Variants in MRPS9 observed in about 807,000 individuals in gnomAD.
MRPS9 encodes small ribosomal subunit protein uS9m.
In MRPS9, 45 loss-of-function variants were observed where a neutral mutation model predicts 59.9. The observed-to-expected ratio is 0.75, with a 90% CI of 0.59 to 0.96. MRPS9 has a LOEUF of 0.96. Among genes scored for constraint, MRPS9 ranks in the 40% least tolerant of loss-of-function variants. MRPS9 has a pLI of 0.00. For synonymous variants in MRPS9, 171 were observed against 166.8 expected, an observed-to-expected ratio of 1.03 and a Z score of -0.19; for missense variants, 473 against 481.1, an observed-to-expected ratio of 0.98 and a Z score of 0.16.
intron 1 of MRPS9, among the ~76,000 whole-genome samples, chr2:105,043,099 A>C (rs1679529140): frequency 1.3e-5 from 2 of 152,222 alleles, no homozygotes; most frequent in Admixed American, 1.3e-4. Flanking sequence ...CAGAATGAAC[A>C]GTAATTTCTT....
intron 5 of MRPS9, among the ~76,000 whole-genome samples, chr2:105,083,379 C>T (rs1400402099): frequency 2.0e-5 from 3 of 152,152 alleles, no homozygotes; most frequent in Non-Finnish European, 4.4e-5. Context: ...TTTCCTGCAG[C>T]AGCTTGGGCC....
intron 1 of MRPS9, 188 bp downstream of exon 1, chr2:105,038,415 T>A (rs1443003225): frequency 1.4e-5 from 10 of 705,642 alleles, no homozygotes; most frequent in Non-Finnish European, 2.1e-5. Flanking sequence ...CTAGAGGTTG[T>A]TACTTGTTTT....
intron 5 of MRPS9, among the ~76,000 whole-genome samples, chr2:105,081,229 C>T (rs1680334116): frequency 1.3e-5 from 2 of 152,174 alleles, no homozygotes; most frequent in African/African-American, 4.8e-5. Flanking sequence ...GGTGCAGACG[C>T]AAATTTTCTC....
At chr2:105,050,199 G>T (rs984788671) in intron 2 of MRPS9, among the ~76,000 whole-genome samples, 3 of 151,978 alleles carry the variant, frequency 2.0e-5, no homozygotes, top group African/African-American at 4.8e-5. Context: ...GAGTGCAGTG[G>T]CACGATCTTG....
At chr2:105,046,485 C>A (rs1467784792) in intron 1 of MRPS9, among the ~76,000 whole-genome samples, 1 of 151,936 alleles carries the variant, frequency 6.6e-6, no homozygotes, top group Non-Finnish European at 1.5e-5. Context: ...AGACCTGTAT[C>A]TGAAGCTCAG....
chr2:105,048,850 C>G (rs1463010266), intron 1 of MRPS9, among the ~76,000 whole-genome samples: 1 of 151,822 alleles, frequency 6.6e-6, no homozygotes, highest in African/African-American at 2.4e-5. Context: ...AATATCAAAA[C>G]TCACTGACAT....
At chr2:105,044,603 A>G (rs149874769) in intron 1 of MRPS9, among the ~76,000 whole-genome samples, 8 of 152,334 alleles carry the variant, frequency 5.3e-5, no homozygotes, top group African/African-American at 1.2e-4. Flanking sequence ...ATGGACAACA[A>G]TGAAAATGTT....
Position 105,093,518 on chromosome 2 carries a change from A to T in MRPS9, c.821-12A>T. ...CAAGATATTTACTAATAGGAATTTT[A>T]TATTTTTGAAGGTAAAAGAAAGACT... On this transcript the variant is annotated splice_polypyrimidine_tract_variant and intron_variant, in intron 8 of 10. Coordinates refer to ENST00000258455, the MANE Select transcript of MRPS9 (RefSeq NM_182640.3). 1 of 1,496,482 alleles carries T rather than the reference A, an allele frequency of 6.7e-7. No homozygotes were observed. Among genetic ancestry groups the T allele is most frequent in the Non-Finnish European group, 9.2e-7 (1 of 1,090,688 alleles). The allele number at this position is 1,496,482 out of a possible 1,614,324, so 92.7% of individuals were successfully genotyped here.
chr2:105,040,275 A>G (rs200939129), intron 1 of MRPS9, among the ~76,000 whole-genome samples: 8 of 152,174 alleles, frequency 5.3e-5, no homozygotes, highest in Admixed American at 1.3e-4. Context: ...TTATAAAATA[A>G]TAAAAATTTT....
At chr2:105,066,262 G>A (rs964602367) in intron 2 of MRPS9, among the ~76,000 whole-genome samples, 1 of 151,954 alleles carries the variant, frequency 6.6e-6, no homozygotes, top group Non-Finnish European at 1.5e-5. Flanking sequence ...ACAGTATTTG[G>A]TACAATACTT....
At chr2:105,046,959 A>G (rs1438049402) in intron 1 of MRPS9, among the ~76,000 whole-genome samples, 2 of 151,980 alleles carry the variant, frequency 1.3e-5, no homozygotes, top group African/African-American at 2.4e-5. Flanking sequence ...AACATTCTCC[A>G]TTGCCCAAAG....
At chr2:105,067,429 T>C (rs1393670899) in intron 2 of MRPS9, among the ~76,000 whole-genome samples, 1 of 152,158 alleles carries the variant, frequency 6.6e-6, no homozygotes, top group Non-Finnish European at 1.5e-5. Context: ...CATAGTCAGT[T>C]TGTCCTGCTG....
rs1187429232 is a variant in MRPS9 at position 105,099,802 on chromosome 2, G to C, written c.*41G>C. On this transcript the variant is annotated 3_prime_UTR_variant, in exon 11 of 11. Transcript: ENST00000258455. ...AAAGGAGAGGAAGAGCTATATATATGTGCCGACATGTGGCAGACACACAGT... is the reference window on the plus strand; with the variant it reads ...AAAGGAGAGGAAGAGCTATATATATCTGCCGACATGTGGCAGACACACAGT... 7.6e-6 allele frequency: 12 copies of C among 1,576,486 alleles called. No individual in the cohort carries two copies. The Admixed American group carries it at 2.0e-4, about 26-fold the overall frequency.
intron 9 of MRPS9, among the ~76,000 whole-genome samples, chr2:105,094,938 AG>A (rs1438722269): frequency 6.6e-6 from 1 of 152,224 alleles, no homozygotes; most frequent in Non-Finnish European, 1.5e-5. Context: ...TGAATTCAGC[AG>A]CTTTTTACTA....
In MRPS9 at chr2:105,073,779, G is replaced by C. The variant is rs181220690; in HGVS notation, c.409+2290G>C. Among the ~76,000 whole-genome samples the C allele has an allele frequency of 2.6e-5, 4 of 152,296 alleles. No individual in the cohort carries two copies. The East Asian group carries it at 7.7e-4, about 29-fold the overall frequency. ...CAACGAAGCAAGAATGTTAATTTAT[G>C]TTGATAAAACCTAATCTCCATTGAG... On this transcript the variant is annotated intron_variant, in intron 4 of 10. Transcript: ENST00000258455.
At chr2:105,071,434 A>G in intron 3 of MRPS9, 25 bp from the exon 4 acceptor site, 1 of 1,587,982 alleles carries the variant, frequency 6.3e-7, no homozygotes. Flanking sequence ...ATAATTATCT[A>G]ATACATTATT....
chr2:105,038,078 G>A lies in MRPS9; in HGVS notation c.-15G>A, dbSNP rs2104433493. ...GCCCCCTCACCCCTCCGGTCCTGGA[G>A]CTCCCACAGCTAACATGGCGGCGCC... is the stretch of plus-strand genomic sequence containing the variant. On this transcript the variant is annotated 5_prime_UTR_variant, in exon 1 of 11. Coordinates refer to ENST00000258455, the MANE Select transcript of MRPS9 (RefSeq NM_182640.3). 6.2e-7 allele frequency: 1 copy of A among 1,613,038 alleles called. No individual in the cohort carries two copies. The highest frequency in any genetic ancestry group is 8.5e-7 in the Non-Finnish European group (1 of 1,179,850).
chr2:105,053,055 C>CGTGG (rs1225277348), intron 2 of MRPS9, among the ~76,000 whole-genome samples: 36 of 152,212 alleles, frequency 2.4e-4, no homozygotes, highest in African/African-American at 8.7e-4. Flanking sequence ...TGAGCCACCA[C>CGTGG]GCCCAGCCCC....
intron 9 of MRPS9, chr2:105,096,944 A>G (rs1680673362): frequency 2.4e-6 from 1 of 417,842 alleles, no homozygotes; most frequent in Non-Finnish European, 3.9e-6. Flanking sequence ...CCCAAGCAAA[A>G]GAAATAAATC....
Sources: gnomAD v4.1 joint callset for allele counts (sites outside exome capture counted in the v4.1 genomes callset) on GRCh38, gnomAD v4.1.1 for gene constraint, MANE v1.5 for transcripts, NCBI Gene and HGNC (gene_info 2026-07-23, HGNC 2026-07-21) for gene names.